SCAPER: variants seen among roughly 807,000 people sequenced by gnomAD.
SCAPER encodes S phase cyclin A-associated protein in the endoplasmic reticulum.
In SCAPER, 98 loss-of-function variants were observed where a neutral mutation model predicts 182.2. That is an observed-to-expected ratio of 0.54 (90% CI 0.46 to 0.64). The LOEUF is 0.64. Among genes scored for constraint, SCAPER ranks in the 30% least tolerant of loss-of-function variants. The probability of loss-of-function intolerance (pLI) is 0.00; values close to 1 mark genes in which losing one functional copy is unlikely to be tolerated. For synonymous variants in SCAPER, 605 were observed against 564.6 expected (o/e 1.07, Z -1.01); for missense variants, 1,432 against 1,690.0 (o/e 0.85, Z 2.68).
intron 7 of SCAPER, among the ~76,000 whole-genome samples, chr15:76,799,337 G>A (rs890575734): frequency 2.0e-4 from 29 of 148,378 alleles, no homozygotes; most frequent in Non-Finnish European, 4.4e-5. Flanking sequence ...CCAGGCTGGA[G>A]TACAGTGGCG....
chr15:76,885,910 T>C (rs1189322636), intron 1 of SCAPER, among the ~76,000 whole-genome samples: 4 of 152,242 alleles, frequency 2.6e-5, no homozygotes, highest in East Asian at 1.9e-4. Context: ...CATCTGTTGA[T>C]AGACACAGGC....
At chr15:76,715,295 C>T (rs985055391) in intron 17 of SCAPER, among the ~76,000 whole-genome samples, 3 of 152,160 alleles carry the variant, frequency 2.0e-5, no homozygotes, top group South Asian at 2.1e-4. Flanking sequence ...ACCCCCACCC[C>T]GGCCCAGGGA....
At chr15:76,905,236 GGCCCGCGCCCCAACCCGGACCC>G (rs2075003205) in intron 1 of SCAPER, 41 bp downstream of exon 1, 1 of 179,374 alleles carries the variant, frequency 5.6e-6, no homozygotes, top group Non-Finnish European at 1.2e-5. Context: ...GCATTCAGAC[GGCCCGCGCCCCAACCCGGACCC>G]GCCCGGGTCT....
At chr15:76,571,348 A>T (rs1389709804) in intron 23 of SCAPER, among the ~76,000 whole-genome samples, 8 of 152,140 alleles carry the variant, frequency 5.3e-5, no homozygotes, top group Admixed American at 5.2e-4. Context: ...AGTAAACAGA[A>T]GTGGCTTAAG....
chr15:76,354,217 A>G lies in SCAPER; in HGVS notation c.3856-77T>C. 7.4e-7 allele frequency: 1 copy of G among 1,347,550 alleles called. No homozygotes were observed. The highest frequency in any genetic ancestry group is 1.5e-5 in the South Asian group (1 of 68,024). The allele number at this position is 1,347,550 out of a possible 1,614,324, so 83.5% of individuals were successfully genotyped here. A position where few individuals can be genotyped will look rare whatever the true frequency, so the allele number is the denominator to read the frequency against. On this transcript the variant is annotated intron_variant, in intron 29 of 31. Coordinates refer to ENST00000563290, the MANE Select transcript of SCAPER (RefSeq NM_020843.4). This position sits in a 1 kb window ranked among gnomAD's most constrained non-coding sequence, Gnocchi z 4.4. ...CTCACCCACCTGCACAGTGTCGGCT[A>G]GTACCATGGAAAACATGCTGAAGGA...
chr15:76,882,701 A>G (rs980572138), intron 2 of SCAPER, among the ~76,000 whole-genome samples: 2 of 152,018 alleles, frequency 1.3e-5, no homozygotes, highest in African/African-American at 2.4e-5. Flanking sequence ...GTCTCGCTCT[A>G]TAGCCCAGGT....
At chr15:76,734,649 G>A (rs574905710) in intron 15 of SCAPER, among the ~76,000 whole-genome samples, 30 of 152,016 alleles carry the variant, frequency 2.0e-4, no homozygotes, top group Non-Finnish European at 2.4e-4. Context: ...AGGCTGAGGC[G>A]GGTGGATCAC....
intron 15 of SCAPER, among the ~76,000 whole-genome samples, chr15:76,753,237 G>A (rs1432538017): frequency 6.6e-6 from 1 of 151,762 alleles, no homozygotes; most frequent in Non-Finnish European, 1.5e-5. Context: ...CAAGTGACTG[G>A]GTTAACAAAT....
At chr15:76,496,019 C>A (rs1597027070) in intron 24 of SCAPER, among the ~76,000 whole-genome samples, 1 of 150,920 alleles carries the variant, frequency 6.6e-6, no homozygotes, top group Non-Finnish European at 1.5e-5. Flanking sequence ...CACACACACA[C>A]ACACACACAC....
chr15:76,517,329 C>T (rs539422943), intron 23 of SCAPER, among the ~76,000 whole-genome samples: 3 of 150,582 alleles, frequency 2.0e-5, no homozygotes, highest in East Asian at 1.9e-4. Context: ...ATGCCTTAGT[C>T]GAGCTTTCCT....
At chr15:76,644,360 T>C (rs1169885272) in intron 21 of SCAPER, among the ~76,000 whole-genome samples, 3 of 152,190 alleles carry the variant, frequency 2.0e-5, no homozygotes, top group South Asian at 4.1e-4. Flanking sequence ...AAATGTGTTA[T>C]TCATGTGAAC....
intron 27 of SCAPER, among the ~76,000 whole-genome samples, chr15:76,401,048 C>A (rs1338480329): frequency 6.6e-6 from 1 of 151,714 alleles, no homozygotes; most frequent in Non-Finnish European, 1.5e-5. Context: ...AGCAGTTTTT[C>A]TTAGTGGAAA....
At chr15:76,371,951 A>G (rs1314192827) in intron 29 of SCAPER, among the ~76,000 whole-genome samples, 1 of 152,082 alleles carries the variant, frequency 6.6e-6, no homozygotes, top group Non-Finnish European at 1.5e-5. Context: ...ATGCTTAGAA[A>G]TATCATCTCC....
At chr15:76,587,280 T>C (rs2048738607) in intron 22 of SCAPER, among the ~76,000 whole-genome samples, 1 of 152,188 alleles carries the variant, frequency 6.6e-6, no homozygotes, top group African/African-American at 2.4e-5. Context: ...TTTTGGTTTC[T>C]ATTTCATTTA....
chr15:76,399,877 C>T (rs942928079), intron 27 of SCAPER, among the ~76,000 whole-genome samples: 2 of 151,994 alleles, frequency 1.3e-5, no homozygotes, highest in East Asian at 1.9e-4. Context: ...TGGTGGCAAG[C>T]GCCTGTAATC....
chr15:76,641,056 C>T (rs1597869574), intron 21 of SCAPER, among the ~76,000 whole-genome samples: 1 of 152,128 alleles, frequency 6.6e-6, no homozygotes, highest in Non-Finnish European at 1.5e-5. Flanking sequence ...CTTGCCATGG[C>T]TCTTCTAGGC....
intron 14 of SCAPER, among the ~76,000 whole-genome samples, chr15:76,757,194 A>G (rs1252631159): frequency 1.3e-5 from 2 of 152,216 alleles, no homozygotes; most frequent in African/African-American, 2.4e-5. Flanking sequence ...TGTTAACTAC[A>G]GTCATGATGT....
chr15:76,404,443 T>C (rs888777005), intron 27 of SCAPER, 81 bp downstream of exon 27: 97 of 1,388,918 alleles, frequency 7.0e-5, no homozygotes, highest in Non-Finnish European at 4.0e-5. Context: ...CTTGAATTCC[T>C]ATGAAATGAC....
chr15:76,841,855 C>T lies in SCAPER; in HGVS notation c.272G>A (p.Arg91Lys), dbSNP rs769620383. The T allele has an allele frequency of 1.2e-6, 2 of 1,613,872 alleles. No homozygotes were observed. Among genetic ancestry groups the T allele is most frequent in the Non-Finnish European group, 1.7e-6 (2 of 1,179,852 alleles). Residue 91 changes from arginine (R) to lysine (K), a missense_variant, in exon 5 of 32, where the codon AGG (arginine) becomes AAG (lysine). Physicochemically the swap from Arg to Lys is conservative, Grantham distance 26 (BLOSUM62 2). Transcript: ENST00000563290. ...KHFDKSPTKT[R>K]HPRKIDLRAR... ...TCTTAGATCAATTTTCCGAGGGTGC[C>T]TTGTTTTAGTGGGACTTTTATCAAA... is the stretch of plus-strand genomic sequence containing the variant.
Sources: gnomAD v4.1 joint callset for allele counts (sites outside exome capture counted in the v4.1 genomes callset) on GRCh38, gnomAD v4.1.1 for gene constraint, Gnocchi (gnomAD v3.1) non-coding constraint, MANE v1.5 for transcripts, NCBI Gene and HGNC (gene_info 2026-07-23, HGNC 2026-07-21) for gene names.